IGF1R: variants seen among roughly 807,000 people sequenced by gnomAD.
IGF1R encodes insulin-like growth factor 1 receptor.
IGF1R carries 44 observed loss-of-function variants against 144.6 expected under a neutral mutation model. The ratio of observed to expected loss-of-function variants is 0.30; its 90% CI spans 0.24 to 0.39. The LOEUF (loss-of-function observed/expected upper bound fraction) is 0.39. Among genes scored for constraint, IGF1R ranks in the 10% least tolerant of loss-of-function variants. The pLI, the probability that IGF1R is intolerant of heterozygous loss-of-function variation, is 1.00. For synonymous variants in IGF1R, 795 were observed against 722.8 expected (o/e 1.10, Z -1.60); for missense variants, 1,355 against 1,833.7 (o/e 0.74, Z 4.77).
At chr15:98,864,250 G>A (rs1263984496) in intron 2 of IGF1R, among the ~76,000 whole-genome samples, 1 of 152,182 alleles carries the variant, frequency 6.6e-6, no homozygotes, top group Non-Finnish European at 1.5e-5. Context: ...GCAAGACACT[G>A]TCTCAAATAA....
At chr15:98,902,970 T>C (rs954527002) in intron 5 of IGF1R, among the ~76,000 whole-genome samples, 3 of 152,156 alleles carry the variant, frequency 2.0e-5, no homozygotes, top group African/African-American at 4.8e-5. Context: ...CAGAGCCTGT[T>C]GACTTTTATA....
chr15:98,781,429 G>A (rs536376361), intron 2 of IGF1R, among the ~76,000 whole-genome samples: 4 of 152,228 alleles, frequency 2.6e-5, no homozygotes, highest in African/African-American at 7.2e-5. Context: ...ACATCAGATC[G>A]TATTTAAATC....
chr15:98,680,466 C>A (rs28855166), intron 1 of IGF1R, among the ~76,000 whole-genome samples: 19,278 of 151,792 alleles, frequency 0.13, 2,434 homozygotes, highest in African/African-American at 0.32. Context: ...CAGCGTTGCA[C>A]CGTGTTAGCC....
In IGF1R at chr15:98,908,745, C is replaced by G; in HGVS notation, c.1308C>G (p.His436Gln). 1 of 1,614,166 alleles carries G rather than the reference C, an allele frequency of 6.2e-7. No homozygotes were observed. Among genetic ancestry groups the G allele is most frequent in the South Asian group, 1.1e-5 (1 of 91,078 alleles). Residue 436 changes from histidine to glutamine, a missense_variant, in exon 6 of 21, where the codon CAC becomes CAG. By Grantham distance (24) the His-to-Gln change is conservative (BLOSUM62 0). This residue lies in a region of IGF1R where 880 missense variants were observed against 1,202.7 expected (regional missense o/e 0.73). Transcript: ENST00000650285. ...TGCAGCAACTGTGGGACTGGGACCA[C>G]CGCAACCTGACCATCAAAGCAGGGA... Reference protein sequence around the residue: ...QNLQQLWDWDHRNLTIKAGKM... With the variant: ...QNLQQLWDWDQRNLTIKAGKM...
At chr15:98,896,337 C>T (rs965302473) in intron 3 of IGF1R, among the ~76,000 whole-genome samples, 13 of 152,162 alleles carry the variant, frequency 8.5e-5, no homozygotes, top group Admixed American at 5.9e-4. Flanking sequence ...TGCCTTCTCT[C>T]CTAGCGACTC....
intron 2 of IGF1R, among the ~76,000 whole-genome samples, chr15:98,746,424 A>G (rs931056685): frequency 1.3e-5 from 2 of 152,114 alleles, no homozygotes; most frequent in Non-Finnish European, 2.9e-5. Flanking sequence ...TTGCCGGAAA[A>G]CCAAACAAAA....
chr15:98,932,710 C>G (rs764719926), intron 15 of IGF1R, among the ~76,000 whole-genome samples: 6 of 152,230 alleles, frequency 3.9e-5, no homozygotes, highest in Non-Finnish European at 5.9e-5. Context: ...TGCATACTTA[C>G]TCTCCTCTGA....
chr15:98,951,574 GC>G (rs1235509521), intron 20 of IGF1R, among the ~76,000 whole-genome samples: 4 of 152,266 alleles, frequency 2.6e-5, no homozygotes, highest in Admixed American at 1.3e-4. Context: ...GCTGGCTCTG[GC>G]TTGGAGCCCT....
chr15:98,777,500 G>A (rs2055748471), intron 2 of IGF1R, among the ~76,000 whole-genome samples: 1 of 152,236 alleles, frequency 6.6e-6, no homozygotes, highest in Admixed American at 6.5e-5. Flanking sequence ...GAAGTCTCTA[G>A]ACGTCTAAAG....
intron 13 of IGF1R, among the ~76,000 whole-genome samples, chr15:98,926,620 T>G (rs925672977): frequency 2.6e-5 from 4 of 152,222 alleles, no homozygotes; most frequent in African/African-American, 9.6e-5. Flanking sequence ...TCTCCAGTAG[T>G]CACCTGGTCA....
At chr15:98,715,959 A>G (rs1404013111) in intron 2 of IGF1R, among the ~76,000 whole-genome samples, 2 of 152,240 alleles carry the variant, frequency 1.3e-5, no homozygotes, top group Non-Finnish European at 1.5e-5. Flanking sequence ...GATGATCTGC[A>G]GAACTTCTGG....
At position 98,896,838 on chromosome 15, in the gene IGF1R, T is replaced by G. The variant is rs774157627; in HGVS notation, c.1035T>G (p.Thr345=). 3.7e-5 allele frequency: 60 copies of G among 1,614,040 alleles called. No individual in the cohort carries two copies. In the Admixed American group the frequency reaches 9.7e-4, roughly 26 times the overall value. Residue 345 remains threonine (T), a synonymous_variant, in exon 4 of 21, where the codon ACT becomes ACG. Coordinates refer to ENST00000650285, the MANE Select transcript of IGF1R (RefSeq NM_000875.5). ...AAACAAAGACCATTGATTCTGTTACTTCTGCTCAGATGCTCCAAGGATGCA... is the reference window on the plus strand; with the variant it reads ...AAACAAAGACCATTGATTCTGTTACGTCTGCTCAGATGCTCCAAGGATGCA... The part of the protein sequence containing the change: ...EKKTKTIDSV[T]SAQMLQGCTI...
chr15:98,733,699 C>T (rs1273600610), intron 2 of IGF1R, among the ~76,000 whole-genome samples: 2 of 152,100 alleles, frequency 1.3e-5, no homozygotes, highest in East Asian at 3.9e-4. Flanking sequence ...TAGACCTCCC[C>T]CCACTGTAAG....
chr15:98,918,057 T>A (rs1465529981), intron 10 of IGF1R, among the ~76,000 whole-genome samples: 1 of 151,812 alleles, frequency 6.6e-6, no homozygotes. Context: ...TGTTAAACAA[T>A]TTTTTTTTCC....
intron 15 of IGF1R, among the ~76,000 whole-genome samples, chr15:98,933,293 C>T (rs953349294): frequency 2.6e-5 from 4 of 152,138 alleles, no homozygotes; most frequent in Admixed American, 6.5e-5. Flanking sequence ...AACCTTTTTC[C>T]TTTCTTTCTC....
At chr15:98,926,547 T>C (rs2715427) in intron 13 of IGF1R, among the ~76,000 whole-genome samples, 16,164 of 152,252 alleles carry the variant, frequency 0.11, 966 homozygotes, top group Non-Finnish European at 0.13. Flanking sequence ...CAAAACAATA[T>C]GTTGTACATG....
intron 2 of IGF1R, among the ~76,000 whole-genome samples, chr15:98,888,466 T>TGTGTG (rs369692205): frequency 1.3e-5 from 2 of 151,854 alleles, no homozygotes; most frequent in African/African-American, 4.8e-5. Context: ...TGTGTGTGTG[T>TGTGTG]TTACAGAAAA....
At chr15:98,657,080 A>G (rs2052503311) in intron 1 of IGF1R, among the ~76,000 whole-genome samples, 1 of 152,192 alleles carries the variant, frequency 6.6e-6, no homozygotes. Flanking sequence ...CTCTGCTGTA[A>G]AAAATATAGT....
intron 2 of IGF1R, among the ~76,000 whole-genome samples, chr15:98,797,013 T>C (rs1346014340): frequency 1.3e-5 from 2 of 152,212 alleles, no homozygotes; most frequent in Non-Finnish European, 2.9e-5. Flanking sequence ...GGTGTGGTGC[T>C]ATGCTGGCGT....
Sources: allele counts gnomAD v4.1 joint callset (sites outside exome capture counted in the v4.1 genomes callset), GRCh38; gene constraint gnomAD v4.1.1; regional missense constraint gnomAD v4.1.1; transcripts MANE v1.5; gene names NCBI Gene and HGNC (gene_info 2026-07-23, HGNC 2026-07-21).